Variants in EPB41L1 observed in about 807,000 individuals in gnomAD.
The protein encoded by EPB41L1 is erythrocyte membrane protein band 4.1 like 1, also known as band 4.1-like protein 1.
EPB41L1 carries 29 observed loss-of-function variants against 97.8 expected under a neutral mutation model. The ratio of observed to expected loss-of-function variants is 0.30; its 90% confidence interval spans 0.22 to 0.40. The LOEUF (loss-of-function observed/expected upper bound fraction) is 0.40, where lower values mean the gene tolerates loss of function less well. EPB41L1 is among the 10% of genes least tolerant of loss of function. EPB41L1 has a pLI of 1.00. For missense variants in EPB41L1, 812 were observed against 1,162.3 expected (o/e 0.70, Z 4.38); for synonymous variants, 383 against 459.2 (o/e 0.83, Z 2.12).
At chr20:36,226,470 G>T (rs2064160440) in intron 21 of EPB41L1, among the ~76,000 whole-genome samples, 1 of 152,168 alleles carries the variant, frequency 6.6e-6, no homozygotes, top group South Asian at 2.1e-4. Flanking sequence ...GATGTTAAGT[G>T]GCTTGCTCAC....
chr20:36,160,577 G>C (rs113891980), intron 1 of EPB41L1, among the ~76,000 whole-genome samples: 1 of 150,488 alleles, frequency 6.6e-6, no homozygotes, highest in African/African-American at 2.4e-5. Context: ...GTGACAGAGC[G>C]AGACTCCGTC....
rs752178389 is a variant in EPB41L1, at chr20:36,173,865, A to G, written c.88A>G (p.Thr30Ala). 1.2e-6 allele frequency: 2 copies of G among 1,613,400 alleles called. No homozygotes were observed. The highest frequency in any genetic ancestry group is 1.7e-6 in the Non-Finnish European group (2 of 1,179,814). The change falls in exon 2 of 22, where the codon ACC becomes GCC. Residue 30 changes from threonine to alanine, a missense_variant. Coordinates refer to ENST00000338074, the MANE Select transcript of EPB41L1 (RefSeq NM_012156.2). ...GCCCGAGGCTGCTGCCGCTGTGACCACCCCTGTGACCCCTGCAGGCCACGG... is the reference window on the plus strand; with the variant it reads ...GCCCGAGGCTGCTGCCGCTGTGACCGCCCCTGTGACCCCTGCAGGCCACGG... ...QQPEAAAAVT[T>A]PVTPAGHGHP...
intron 6 of EPB41L1, among the ~76,000 whole-genome samples, chr20:36,183,286 C>T (rs1329624208): frequency 6.6e-6 from 1 of 152,212 alleles, no homozygotes; most frequent in South Asian, 2.1e-4. Context: ...CATTGGGTCC[C>T]TCCTTCATCT....
At chr20:36,175,493 A>G in intron 2 of EPB41L1, 58 bp from the exon 3 acceptor site, 5 of 1,603,886 alleles carry the variant, frequency 3.1e-6, no homozygotes, top group Non-Finnish European at 4.3e-6. Flanking sequence ...TCTTACTTAT[A>G]TGAAAGGCCA....
chr20:36,213,715 T>C (rs1486475345), intron 16 of EPB41L1, among the ~76,000 whole-genome samples: 5 of 152,084 alleles, frequency 3.3e-5, no homozygotes, highest in Non-Finnish European at 2.9e-5. Context: ...AAAAAGTTTA[T>C]AGTTATACAA....
At chr20:36,144,779 A>T (rs1358021514) in intron 2 of EPB41L1, among the ~76,000 whole-genome samples, 1 of 152,244 alleles carries the variant, frequency 6.6e-6, no homozygotes, top group Non-Finnish European at 1.5e-5. Flanking sequence ...AATAGGACTG[A>T]TAAGTAACAT....
intron 2 of EPB41L1, among the ~76,000 whole-genome samples, chr20:36,141,094 C>T (rs1412281216): frequency 6.6e-6 from 1 of 152,168 alleles, no homozygotes; most frequent in Non-Finnish European, 1.5e-5. Context: ...AATATGGCCC[C>T]TTTCATAGAC....
chr20:36,117,105 C>T, intron 2 of EPB41L1, among the ~76,000 whole-genome samples: 1 of 152,168 alleles, frequency 6.6e-6, no homozygotes, highest in Non-Finnish European at 1.5e-5. Flanking sequence ...AAAACTGCCC[C>T]TTCCCTCCCC....
intron 1 of EPB41L1, among the ~76,000 whole-genome samples, chr20:36,112,104 A>G (rs973126272): frequency 6.6e-6 from 1 of 152,014 alleles, no homozygotes; most frequent in Non-Finnish European, 1.5e-5. Context: ...ACAACCTCCT[A>G]ACTGATGTTC....
upstream of EPB41L1, chr20:36,154,611 C>T: frequency 1.1e-6 from 1 of 893,920 alleles, no homozygotes; most frequent in African/African-American, 1.9e-5. The surrounding 1 kb of genome is among the most constrained non-coding windows in gnomAD (Gnocchi z 5.5). Context: ...GGCGGCCGCC[C>T]CTGGGCTGGG....
chr20:36,221,798 G>A, intron 19 of EPB41L1, 66 bp from the exon 20 acceptor site: 1 of 1,379,618 alleles, frequency 7.2e-7, no homozygotes, highest in Non-Finnish European at 1.0e-6. Context: ...ATTTGGGTAG[G>A]TCCCCTCTTG....
Position 36,229,368 on chromosome 20 carries a change from G to C in EPB41L1, c.*28G>C, listed in dbSNP as rs2064385853. On this transcript the variant is annotated 3_prime_UTR_variant, in exon 22 of 22. Transcript: ENST00000338074. ...TCTGTGAAGAGATCCTGGCATTTCT[G>C]GTCCAACCCAAGCCAGAGAACCATT... The C allele has an allele frequency of 6.2e-7, 1 of 1,608,116 alleles. No homozygotes were observed.
rs73289638 is a variant in EPB41L1, at chr20:36,195,824, T to G, written c.1485+460T>G. ...GTCCCCTGTGTCCTCACCCCTAGCTTCTTTTTGTATCTATTGGCAGTCAGA... is the reference window on the plus strand; with the variant it reads ...GTCCCCTGTGTCCTCACCCCTAGCTGCTTTTTGTATCTATTGGCAGTCAGA... On this transcript the variant is annotated intron_variant, in intron 13 of 21. Coordinates refer to ENST00000338074, the MANE Select transcript of EPB41L1 (RefSeq NM_012156.2). The surrounding 1 kb of genome is among the most constrained non-coding windows in gnomAD (Gnocchi z 4.6). Among the ~76,000 whole-genome samples the G allele has an allele frequency of 0.057, 8,630 of 152,162 alleles. 520 individuals carry two copies. The highest frequency in any genetic ancestry group is 0.16 in the African/African-American group (6,468 of 41,492).
intron 21 of EPB41L1, among the ~76,000 whole-genome samples, chr20:36,224,468 T>G (rs929037823): frequency 2.6e-5 from 4 of 152,042 alleles, no homozygotes; most frequent in African/African-American, 9.7e-5. Flanking sequence ...ACCAACGTGG[T>G]GAAACCCTGT....
chr20:36,222,454 T>A, intron 21 of EPB41L1, 60 bp downstream of exon 21: 1 of 1,350,438 alleles, frequency 7.4e-7, no homozygotes, highest in Non-Finnish European at 1.1e-6. Flanking sequence ...CAAGATCCTC[T>A]GAGGGCCATT....
chr20:36,204,980 C>T, intron 14 of EPB41L1, among the ~76,000 whole-genome samples: 1 of 152,230 alleles, frequency 6.6e-6, no homozygotes, highest in Non-Finnish European at 1.5e-5. Context: ...AGATCTTTAC[C>T]TCTCTCCCTT....
chr20:36,222,461 C>T, intron 21 of EPB41L1, 67 bp downstream of exon 21: 2 of 1,288,502 alleles, frequency 1.6e-6, no homozygotes, highest in Non-Finnish European at 1.1e-6. Flanking sequence ...CTCTGAGGGC[C>T]ATTTCCATCT....
At chr20:36,204,159 T>C (rs2146670357) in intron 14 of EPB41L1, among the ~76,000 whole-genome samples, 1 of 152,196 alleles carries the variant, frequency 6.6e-6, no homozygotes, top group Admixed American at 6.5e-5. Context: ...GCAAGATGCT[T>C]CTCCAGGTCT....
At chr20:36,117,415 A>G (rs1214129508) in intron 2 of EPB41L1, among the ~76,000 whole-genome samples, 2 of 150,434 alleles carry the variant, frequency 1.3e-5, no homozygotes, top group Admixed American at 6.6e-5. Flanking sequence ...GGCAGAGGAC[A>G]GAAGAATTCT....
Sources: gnomAD v4.1 joint callset for allele counts (sites outside exome capture counted in the v4.1 genomes callset) on GRCh38, gnomAD v4.1.1 for gene constraint, Gnocchi (gnomAD v3.1) non-coding constraint, MANE v1.5 for transcripts, NCBI Gene and HGNC (gene_info 2026-07-23, HGNC 2026-07-21) for gene names.